The following STXBP5 variants were observed in gnomAD, a reference collection of about 807,000 sequenced individuals.
The protein encoded by STXBP5 is syntaxin binding protein 5.
STXBP5 carries 50 observed loss-of-function variants against 152.4 expected under a neutral mutation model. The observed-to-expected ratio is 0.33, with a 90% CI of 0.26 to 0.42. The LOEUF is 0.42. Ranked by LOEUF, STXBP5 falls within the 10% of genes least tolerant of loss-of-function variation. The pLI, the probability that STXBP5 is intolerant of heterozygous loss-of-function variation, is 1.00. For synonymous variants in STXBP5, 492 were observed against 494.7 expected (o/e 0.99, Z 0.07); for missense variants, 1,167 against 1,388.6 (o/e 0.84, Z 2.54).
At position 147,291,107 on chromosome 6, in the gene STXBP5, G is replaced by A. The variant is rs201552183; in HGVS notation, c.852G>A (p.Lys284=). 3 of 1,608,318 alleles carry A rather than the reference G, an allele frequency of 1.9e-6. No homozygotes were observed. In the African/African-American group the frequency reaches 4.0e-5, roughly 22 times the overall value. Residue 284 remains lysine, a synonymous_variant, in exon 9 of 28, where the codon AAG becomes AAA. Transcript: ENST00000321680. The stretch of plus-strand genomic sequence containing the variant: ...AATATATTTTAGGAAAACAGTTAAA[G>A]GATGGGAAGAAGCCAGAACCATGCA... The part of the protein sequence containing the change: ...QTITPHGKQL[K]DGKKPEPCKP...
chr6:147,310,217 T>G lies in STXBP5; in HGVS notation c.1051T>G (p.Cys351Gly). Reference sequence around the variant, plus strand: ...TTCAATTGTTGATTTTCTAACGCTGTGTGAAACACCATACCCAAATGGTAA... The same window carrying G: ...TTCAATTGTTGATTTTCTAACGCTGGGTGAAACACCATACCCAAATGGTAA... ...DYSIVDFLTL[C>G]ETPYPNDFQE... Residue 351 changes from cysteine to glycine, a missense_variant, in exon 10 of 28, where the codon TGT (cysteine) becomes GGT (glycine). Coordinates refer to ENST00000321680, the MANE Select transcript of STXBP5 (RefSeq NM_001127715.4). 6.3e-7 allele frequency: 1 copy of G among 1,586,014 alleles called. No homozygotes were observed. Among genetic ancestry groups the G allele is most frequent in the Non-Finnish European group, 8.5e-7 (1 of 1,171,128 alleles).
chr6:147,301,699 A>G (rs919998700), intron 9 of STXBP5, among the ~76,000 whole-genome samples: 1 of 152,110 alleles, frequency 6.6e-6, no homozygotes, highest in African/African-American at 2.4e-5. Context: ...ATTGCCATTC[A>G]CTTTCTTGTT....
chr6:147,262,477 A>G, intron 6 of STXBP5, 124 bp downstream of exon 6: 1 of 535,790 alleles, frequency 1.9e-6, no homozygotes. Flanking sequence ...TGTATCATAT[A>G]CAGTTAATGC....
intron 19 of STXBP5, among the ~76,000 whole-genome samples, chr6:147,337,994 T>A (rs1783913406): frequency 6.6e-6 from 1 of 152,116 alleles, no homozygotes; most frequent in South Asian, 2.1e-4. Context: ...ACAATTTTAT[T>A]GGAGAGTGTT....
At chr6:147,318,855 C>G (rs1412550083) in intron 16 of STXBP5, among the ~76,000 whole-genome samples, 2 of 151,698 alleles carry the variant, frequency 1.3e-5, no homozygotes, top group Non-Finnish European at 2.9e-5. Flanking sequence ...GTTTTTTTTC[C>G]TTTTGAATAT....
chr6:147,279,600 ACCACTG>A (rs1780605977), intron 8 of STXBP5, among the ~76,000 whole-genome samples: 1 of 152,182 alleles, frequency 6.6e-6, no homozygotes, highest in African/African-American at 2.4e-5. Flanking sequence ...GAAATACTTT[ACCACTG>A]CTTTGTGACA....
At position 147,345,740 on chromosome 6, in the gene STXBP5, T is replaced by C. The variant is rs191910514; in HGVS notation, c.2254+6356T>C. 5.1e-4 allele frequency among the ~76,000 whole-genome samples: 77 copies of C among 152,316 alleles called. 1 individual carries two copies. Among genetic ancestry groups the C allele is most frequent in the African/African-American group, 1.8e-3 (73 of 41,568 alleles). On this transcript the variant is annotated intron_variant, in intron 21 of 27. Transcript: ENST00000321680. Reference sequence around the variant, plus strand: ...AGAATGCTTGTTTAGAAAAAAGATGTGGACACAGTGGGTAGAAAAACTAAA... The same window carrying C: ...AGAATGCTTGTTTAGAAAAAAGATGCGGACACAGTGGGTAGAAAAACTAAA...
Position 147,313,975 on chromosome 6 carries a change from A to G in STXBP5, c.1237A>G (p.Ile413Val). 2 of 1,603,840 alleles carry G rather than the reference A, an allele frequency of 1.2e-6. No individual in the cohort carries two copies. The highest frequency in any genetic ancestry group is 2.2e-5 in the South Asian group (2 of 89,058). ...EYFADCPVDL[I>V]PALYSVGARQ... ...TTTTGCGGATTGTCCTGTGGACCTTATTCCTGCACTTTATTCTGTTGGAGC... is the reference window on the plus strand; with the variant it reads ...TTTTGCGGATTGTCCTGTGGACCTTGTTCCTGCACTTTATTCTGTTGGAGC... The change falls in exon 12 of 28, where the codon ATT becomes GTT. Residue 413 changes from isoleucine to valine, a missense_variant. By Grantham distance (29) the Ile-to-Val change is conservative. Transcript: ENST00000321680.
chr6:147,310,028 C>A, intron 9 of STXBP5, 56 bp from the exon 10 acceptor site: 1 of 1,217,776 alleles, frequency 8.2e-7, no homozygotes, highest in Non-Finnish European at 1.1e-6. Flanking sequence ...TATGATGTAG[C>A]AAGAAAATTA....
chr6:147,359,357 C>T, intron 23 of STXBP5, 34 bp downstream of exon 23: 1 of 1,590,904 alleles, frequency 6.3e-7, no homozygotes, highest in South Asian at 1.1e-5. Context: ...AGTTACATTA[C>T]AGGTGTGATT....
At chr6:147,258,544 G>C (rs1461470420) in intron 4 of STXBP5, among the ~76,000 whole-genome samples, 2 of 151,872 alleles carry the variant, frequency 1.3e-5, no homozygotes, top group Admixed American at 6.6e-5. Context: ...CGCCATTCTC[G>C]TGCCTCAGCC....
intron 8 of STXBP5, among the ~76,000 whole-genome samples, chr6:147,284,822 G>A (rs1481673876): frequency 6.6e-6 from 1 of 152,210 alleles, no homozygotes; most frequent in African/African-American, 2.4e-5. Context: ...ATATATCAAA[G>A]TATGATAAAA....
chr6:147,320,784 A>C (rs868818339), intron 16 of STXBP5, among the ~76,000 whole-genome samples: 1 of 152,192 alleles, frequency 6.6e-6, no homozygotes. Flanking sequence ...ATCATAGTAA[A>C]AAATATCATA....
At chr6:147,244,662 T>C (rs1778715814) in intron 4 of STXBP5, among the ~76,000 whole-genome samples, 1 of 152,176 alleles carries the variant, frequency 6.6e-6, no homozygotes, top group Non-Finnish European at 1.5e-5. Context: ...AAATACAGTT[T>C]TTGGTGATTT....
intron 16 of STXBP5, 95 bp downstream of exon 16, chr6:147,316,502 A>G (rs1782653771): frequency 8.8e-7 from 1 of 1,138,748 alleles, no homozygotes; most frequent in Middle Eastern, 3.2e-4. Flanking sequence ...TTCTTTTGAT[A>G]TAGCAAAATG....
At chr6:147,347,443 A>G (rs1582978061) in intron 21 of STXBP5, among the ~76,000 whole-genome samples, 1 of 152,200 alleles carries the variant, frequency 6.6e-6, no homozygotes, top group African/African-American at 2.4e-5. Flanking sequence ...AACCCAAGAG[A>G]TGGAAAGCCA....
chr6:147,364,276 G>A lies in STXBP5; in HGVS notation c.3081+110G>A, dbSNP rs185008419. 136 of 945,716 alleles carry A rather than the reference G, an allele frequency of 1.4e-4. 1 individual carries two copies. In the African/African-American group the frequency reaches 1.8e-3, roughly 13 times the overall value. The allele number at this position is 945,716 out of a possible 1,614,324, so 58.6% of individuals were successfully genotyped here. A position where few individuals can be genotyped will look rare whatever the true frequency, so the allele number is the denominator to read the frequency against. On this transcript the variant is annotated intron_variant, in intron 25 of 27. Coordinates refer to ENST00000321680, the MANE Select transcript of STXBP5 (RefSeq NM_001127715.4). The stretch of plus-strand genomic sequence containing the variant: ...GGAACTATACAAGTGAGCCTGCTTG[G>A]GAAAATCCAGACTGTTGAATTAGAC...
intron 26 of STXBP5, 82 bp downstream of exon 26, chr6:147,373,924 A>G: frequency 1.2e-6 from 1 of 818,354 alleles, no homozygotes. Flanking sequence ...CGTGTAAATT[A>G]TGTTCACTTT....
At chr6:147,251,287 A>G (rs1302617526) in intron 4 of STXBP5, among the ~76,000 whole-genome samples, 1 of 151,800 alleles carries the variant, frequency 6.6e-6, no homozygotes, top group African/African-American at 2.4e-5. Flanking sequence ...AGTCTTCACA[A>G]CCCACAGATC....
Sources: allele counts gnomAD v4.1 joint callset (sites outside exome capture counted in the v4.1 genomes callset), GRCh38; gene constraint gnomAD v4.1.1; transcripts MANE v1.5; gene names NCBI Gene and HGNC (gene_info 2026-07-23, HGNC 2026-07-21).